Variants in PADI3 observed in about 807,000 individuals in gnomAD.
The protein encoded by PADI3 is peptidyl arginine deiminase 3, also known as protein-arginine deiminase type-3.
PADI3 carries 53 observed loss-of-function variants against 71.5 expected under a neutral mutation model. The ratio of observed to expected loss-of-function variants is 0.74; its 90% CI spans 0.59 to 0.93. The LOEUF (loss-of-function observed/expected upper bound fraction) is 0.93, where lower values mean the gene tolerates loss of function less well. Among genes scored for constraint, PADI3 ranks in the 40% least tolerant of loss-of-function variants. The pLI, the probability that PADI3 is intolerant of heterozygous loss-of-function variation, is 0.00. For synonymous variants in PADI3, 361 were observed against 347.5 expected (o/e 1.04, Z -0.43); for missense variants, 821 against 868.0 (o/e 0.95, Z 0.68).
intron 2 of PADI3, among the ~76,000 whole-genome samples, chr1:17,260,085 A>G (rs539980129): frequency 6.6e-6 from 1 of 152,292 alleles, no homozygotes; most frequent in East Asian, 1.9e-4. Context: ...CCCCTGGAGA[A>G]GGAGTTGTCC....
At chr1:17,263,153 A>T (rs2073124181) in intron 3 of PADI3, among the ~76,000 whole-genome samples, 1 of 152,192 alleles carries the variant, frequency 6.6e-6, no homozygotes, top group African/African-American at 2.4e-5. Context: ...ACCTCAGATG[A>T]TCTGCCTGCC....
chr1:17,260,278 T>C (rs2073087383), intron 2 of PADI3, among the ~76,000 whole-genome samples: 1 of 152,178 alleles, frequency 6.6e-6, no homozygotes, highest in South Asian at 2.1e-4. Flanking sequence ...ATCCACTCTC[T>C]TCCTGACCCT....
Position 17,271,850 on chromosome 1 carries a change from AAAAAAG to A in PADI3, c.1047+674_1047+679del, listed in dbSNP as rs1327244359. 2.0e-3 allele frequency among the ~76,000 whole-genome samples: 296 copies of A among 147,162 alleles called. 2 individuals are homozygous for A. The highest frequency in any genetic ancestry group is 6.2e-3 in the African/African-American group (245 of 39,552). ...AGCAACAACAACAAAAAAAAAAAAA[AAAAAAG>A]AGAGAGAGAGAGAGAGAAAAAGAAA... On this transcript the variant is annotated intron_variant, in intron 9 of 15. Coordinates refer to ENST00000375460, the MANE Select transcript of PADI3 (RefSeq NM_016233.2).
rs1242447063 is a variant in PADI3, at chr1:17,271,119, G to C, written c.988G>C (p.Ala330Pro). The C allele has an allele frequency of 6.2e-7, 1 of 1,613,908 alleles. No homozygotes were observed. Among genetic ancestry groups the C allele is most frequent in the Non-Finnish European group, 8.5e-7 (1 of 1,180,002 alleles). ...TGCGGTGGCAGAGCTGGCCAGGAAG[G>C]CCGGCTGCAAGCTGACCATCTGCCC... Reference protein sequence around the residue: ...VDAVAELARKAGCKLTICPQA... With the variant: ...VDAVAELARKPGCKLTICPQA... The change falls in exon 9 of 16, where the codon GCC (alanine) becomes CCC (proline). Residue 330 changes from alanine (A) to proline (P), a missense_variant. Ala to Pro is a conservative substitution (Grantham distance 27). Coordinates refer to ENST00000375460, the MANE Select transcript of PADI3 (RefSeq NM_016233.2).
chr1:17,279,053 T>G (rs527412739), intron 13 of PADI3, among the ~76,000 whole-genome samples: 28 of 152,276 alleles, frequency 1.8e-4, no homozygotes, highest in African/African-American at 6.5e-4. Flanking sequence ...CAGGGAGAAA[T>G]GCCACCTTCA....
At position 17,270,245 on chromosome 1, in the gene PADI3, T is replaced by A. The variant is rs2073227284; in HGVS notation, c.665T>A (p.Val222Glu). The A allele has an allele frequency of 6.2e-7, 1 of 1,610,742 alleles. No homozygotes were observed. Residue 222 changes from valine to glutamate, a missense_variant, in exon 7 of 16, where the codon GTG becomes GAG. Transcript: ENST00000375460. ...QVFHICGPED[V>E]CEAYRHVLGQ... ...CCTCCCCTTCCAGGTCCTGAGGATG[T>A]GTGTGAGGCCTATAGGCATGTGCTG... is the stretch of plus-strand genomic sequence containing the variant.
intron 15 of PADI3, 78 bp downstream of exon 15, chr1:17,280,874 A>G (rs2073392418): frequency 1.3e-6 from 2 of 1,554,984 alleles, no homozygotes; most frequent in East Asian, 2.3e-5. Context: ...ATGTCTGGTC[A>G]CAGTCATATT....
chr1:17,267,393 G>A (rs1364536816), intron 5 of PADI3, among the ~76,000 whole-genome samples: 3 of 152,190 alleles, frequency 2.0e-5, no homozygotes, highest in African/African-American at 4.8e-5. Flanking sequence ...CAATATTCCA[G>A]GGTATGCTAG....
At chr1:17,255,187 G>A (rs2073012833) in intron 1 of PADI3, among the ~76,000 whole-genome samples, 1 of 152,236 alleles carries the variant, frequency 6.6e-6, no homozygotes, top group Admixed American at 6.5e-5. Context: ...GAGGCCAACT[G>A]TTCCTGTTTG....
In PADI3 at chr1:17,261,218, A is replaced by G. The variant is rs529412436; in HGVS notation, c.274-915A>G. ...AGGGGAGGGTCATGCTTTAAAGGGA[A>G]CTTGGATGCCTTGGATTCATCTGCC... On this transcript the variant is annotated intron_variant, in intron 2 of 15. Coordinates refer to ENST00000375460, the MANE Select transcript of PADI3 (RefSeq NM_016233.2). Among the ~76,000 whole-genome samples, 9 of 152,272 alleles carry G rather than the reference A, an allele frequency of 5.9e-5. No homozygotes were observed. In the East Asian group the frequency reaches 1.5e-3, roughly 26 times the overall value.
intron 1 of PADI3, among the ~76,000 whole-genome samples, chr1:17,251,454 T>A (rs1484158975): frequency 1.3e-5 from 2 of 152,236 alleles, no homozygotes; most frequent in Admixed American, 1.3e-4. Context: ...TTTCCTCACC[T>A]GTTGCCTGGG....
At chr1:17,250,387 T>A (rs1344343613) in intron 1 of PADI3, among the ~76,000 whole-genome samples, 1 of 152,144 alleles carries the variant, frequency 6.6e-6, no homozygotes, top group Non-Finnish European at 1.5e-5. Context: ...CAACCAAAAA[T>A]GTCCCCAGAC....
intron 9 of PADI3, among the ~76,000 whole-genome samples, chr1:17,272,657 C>T (rs1365201013): frequency 2.0e-5 from 3 of 152,100 alleles, no homozygotes; most frequent in African/African-American, 7.2e-5. Flanking sequence ...CAGGTGCAGC[C>T]ACCAGGCTCA....
At chr1:17,264,126 C>A (rs1016690026) in intron 3 of PADI3, among the ~76,000 whole-genome samples, 2 of 152,132 alleles carry the variant, frequency 1.3e-5, no homozygotes, top group African/African-American at 4.8e-5. Context: ...ATATGCTTTG[C>A]CAACACTGCA....
Position 17,259,775 on chromosome 1 carries a change from T to C in PADI3, c.273+17T>C. 1.9e-6 allele frequency: 3 copies of C among 1,584,354 alleles called. No individual in the cohort carries two copies. Among genetic ancestry groups the C allele is most frequent in the Non-Finnish European group, 2.6e-6 (3 of 1,160,530 alleles). Reference sequence around the variant, plus strand: ...GACAGCCATGTGAGCTGGTCCCTGGTGGGGTGGGGAGAGGTTTCGAGGGAG... The same window carrying C: ...GACAGCCATGTGAGCTGGTCCCTGGCGGGGTGGGGAGAGGTTTCGAGGGAG... On this transcript the variant is annotated intron_variant, in intron 2 of 15. Coordinates refer to ENST00000375460, the MANE Select transcript of PADI3 (RefSeq NM_016233.2).
chr1:17,261,830 C>A (rs1361270119), intron 2 of PADI3, among the ~76,000 whole-genome samples: 1 of 152,168 alleles, frequency 6.6e-6, no homozygotes, highest in East Asian at 1.9e-4. Flanking sequence ...CCCTGCCCAG[C>A]CCAAACCCTT....
intron 4 of PADI3, 88 bp downstream of exon 4, chr1:17,265,808 AT>A: frequency 8.6e-7 from 1 of 1,160,436 alleles, no homozygotes; most frequent in Non-Finnish European, 1.3e-6. Context: ...CATTACAGAT[AT>A]CCCCCTGCCT....
At chr1:17,279,219 G>A (rs977680510) in intron 13 of PADI3, among the ~76,000 whole-genome samples, 2 of 152,216 alleles carry the variant, frequency 1.3e-5, no homozygotes, top group Admixed American at 1.3e-4. Context: ...GGCAGTGACT[G>A]TGGCGATTAA....
chr1:17,280,712 G>A lies in PADI3; in HGVS notation c.1677G>A (p.Leu559=). The A allele has an allele frequency of 6.2e-7, 1 of 1,614,168 alleles. No individual in the cohort carries two copies. Among genetic ancestry groups the A allele is most frequent in the Non-Finnish European group, 8.5e-7 (1 of 1,180,022 alleles). Residue 559 remains leucine, a synonymous_variant, in exon 15 of 16, where the codon CTG becomes CTA. Transcript: ENST00000375460. The part of the protein sequence containing the change: ...DWNREVLKRE[L]GLAECDIIDI... ...ACCGTGAGGTGCTGAAGCGGGAGCT[G>A]GGCCTGGCAGAGTGTGACATCATTG...
Sources: gnomAD v4.1 joint callset for allele counts (sites outside exome capture counted in the v4.1 genomes callset) on GRCh38, gnomAD v4.1.1 for gene constraint, MANE v1.5 for transcripts, NCBI Gene and HGNC (gene_info 2026-07-23, HGNC 2026-07-21) for gene names.